SEMA6A: variants seen among roughly 807,000 people sequenced by gnomAD.
SEMA6A encodes semaphorin-6A.
In SEMA6A, 25 loss-of-function variants were observed where a neutral mutation model predicts 96.8. The ratio of observed to expected loss-of-function variants is 0.26; its 90% confidence interval spans 0.19 to 0.36. SEMA6A has a LOEUF of 0.36. Ranked by LOEUF, SEMA6A falls within the 10% of genes least tolerant of loss-of-function variation. The pLI is 1.00. For missense variants in SEMA6A, 1,363 were observed against 1,323.1 expected (o/e 1.03, Z -0.47); for synonymous variants, 612 against 518.0 (o/e 1.18, Z -2.46).
intron 1 of SEMA6A, among the ~76,000 whole-genome samples, chr5:116,507,447 G>C (rs1241135529): frequency 2.0e-5 from 3 of 152,160 alleles, no homozygotes; most frequent in Non-Finnish European, 4.4e-5. Context: ...ACACAGGCTT[G>C]AGTCTCAGGA....
At chr5:116,538,324 T>C (rs988408239) in intron 1 of SEMA6A, among the ~76,000 whole-genome samples, 9 of 152,234 alleles carry the variant, frequency 5.9e-5, no homozygotes, top group African/African-American at 2.2e-4. Flanking sequence ...GTTGATCCTT[T>C]AAAAGCATTT....
intron 1 of SEMA6A, among the ~76,000 whole-genome samples, chr5:116,546,492 G>C (rs377613849): frequency 6.6e-6 from 1 of 152,156 alleles, no homozygotes; most frequent in African/African-American, 2.4e-5. Flanking sequence ...AAATATGAAT[G>C]TGTATGCCAA....
chr5:116,515,079 C>G (rs1002392502), intron 1 of SEMA6A, among the ~76,000 whole-genome samples: 1 of 152,138 alleles, frequency 6.6e-6, no homozygotes, highest in Non-Finnish European at 1.5e-5. Context: ...CATGACTGTT[C>G]ACTGTGGAGG....
chr5:116,461,200 A>G (rs1755373041), intron 18 of SEMA6A, among the ~76,000 whole-genome samples: 1 of 152,108 alleles, frequency 6.6e-6, no homozygotes, highest in Non-Finnish European at 1.5e-5. Flanking sequence ...TCTAATTCAA[A>G]AGAGTTTTTG....
At chr5:116,566,183 A>G (rs1487075024) in intron 1 of SEMA6A, among the ~76,000 whole-genome samples, 1 of 152,198 alleles carries the variant, frequency 6.6e-6, no homozygotes, top group African/African-American at 2.4e-5. Context: ...TTCTAATCAA[A>G]TCATGGCCAA....
chr5:116,447,501 G>T lies in SEMA6A; in HGVS notation c.2205C>A (p.Pro735=), dbSNP rs757966330. The part of the protein sequence containing the change: ...PLMHNGKLAT[P]GNTAKMLIKA... ...TAATGAGCATCTTGGCCGTGTTGCCGGGAGTGGCGAGCTTGCCGTTGTGCA... is the reference window on the plus strand; with the variant it reads ...TAATGAGCATCTTGGCCGTGTTGCCTGGAGTGGCGAGCTTGCCGTTGTGCA... Residue 735 remains proline (P), a synonymous_variant, in exon 19 of 19, where the codon CCC becomes CCA. Coordinates refer to ENST00000343348, the MANE Select transcript of SEMA6A (RefSeq NM_020796.5). 6 of 1,614,094 alleles carry T rather than the reference G, an allele frequency of 3.7e-6. No individual in the cohort carries two copies. The highest frequency in any genetic ancestry group is 4.2e-6 in the Non-Finnish European group (5 of 1,179,908).
At chr5:116,536,727 G>T (rs1026676046) in intron 1 of SEMA6A, among the ~76,000 whole-genome samples, 1 of 152,120 alleles carries the variant, frequency 6.6e-6, no homozygotes, top group African/African-American at 2.4e-5. Flanking sequence ...TGCAACTCTT[G>T]AATAGCTCCA....
intron 1 of SEMA6A, among the ~76,000 whole-genome samples, chr5:116,526,769 C>T (rs536345905): frequency 4.8e-4 from 73 of 152,202 alleles, no homozygotes; most frequent in African/African-American, 1.7e-3. Flanking sequence ...TCTATATACA[C>T]GCCCAGGTAA....
intron 1 of SEMA6A, among the ~76,000 whole-genome samples, chr5:116,554,026 T>C (rs1485236689): frequency 2.6e-5 from 4 of 152,056 alleles, no homozygotes; most frequent in East Asian, 1.9e-4. Flanking sequence ...GAGACTTCAA[T>C]AGGTAATGAT....
rs936755341 is a variant in SEMA6A at position 116,446,436 on chromosome 5, C to T, written c.*177G>A. ...CCGCCGTTGCAAACCTTCACCAAAC[C>T]ACGCGGCCCAGTTTTCGTGAGTACC... On this transcript the variant is annotated 3_prime_UTR_variant, in exon 19 of 19. Transcript: ENST00000343348. The T allele has an allele frequency of 1.7e-5, 9 of 516,054 alleles. No individual in the cohort carries two copies. Among genetic ancestry groups the T allele is most frequent in the African/African-American group, 1.7e-4 (9 of 52,190 alleles). 32.0% of individuals were successfully genotyped at this position (516,054 alleles called of 1,614,324 possible). A position where few individuals can be genotyped will look rare whatever the true frequency, so the allele number is the denominator to read the frequency against.
Position 116,496,316 on chromosome 5 carries a change from G to A in SEMA6A, c.280-3C>T. 1 of 1,613,232 alleles carries A rather than the reference G, an allele frequency of 6.2e-7. No individual in the cohort carries two copies. The highest frequency in any genetic ancestry group is 8.5e-7 in the Non-Finnish European group (1 of 1,179,380). Reference sequence around the variant, plus strand: ...TGTCTAGATTTCCATGTCAGTTTCTGCAGGGATCAAGAAAGAAATCAATTA... The same window carrying A: ...TGTCTAGATTTCCATGTCAGTTTCTACAGGGATCAAGAAAGAAATCAATTA... On this transcript the variant is annotated splice_polypyrimidine_tract_variant and splice_region_variant and intron_variant, in intron 4 of 18. Transcript: ENST00000343348.
chr5:116,558,007 T>A (rs1046171839), intron 1 of SEMA6A, among the ~76,000 whole-genome samples: 3 of 152,224 alleles, frequency 2.0e-5, no homozygotes, highest in African/African-American at 7.2e-5. Flanking sequence ...CAACATTTTT[T>A]AAAAATCAAA....
intron 1 of SEMA6A, among the ~76,000 whole-genome samples, chr5:116,543,063 A>G (rs761129119): frequency 6.6e-6 from 1 of 152,224 alleles, no homozygotes; most frequent in Non-Finnish European, 1.5e-5. Flanking sequence ...TTCTAAGCTC[A>G]TAAAATAGTA....
intron 1 of SEMA6A, among the ~76,000 whole-genome samples, chr5:116,536,638 G>A (rs1759724090): frequency 6.6e-6 from 1 of 152,096 alleles, no homozygotes; most frequent in Non-Finnish European, 1.5e-5. Flanking sequence ...GCCACAAACT[G>A]CAATATGCTT....
rs114748133 is a variant in SEMA6A at position 116,552,192 on chromosome 5, G to A, written c.-39+21993C>T. Among the ~76,000 whole-genome samples, 641 of 152,232 alleles carry A rather than the reference G, an allele frequency of 4.2e-3. 4 individuals are homozygous for A. The highest frequency in any genetic ancestry group is 0.014 in the African/African-American group (599 of 41,544). ...GAGTGTCTAAAATAACACTATTTAC[G>A]GCCTAACGCTTCCTCTGATGTACAC... On this transcript the variant is annotated intron_variant, in intron 1 of 18. Transcript: ENST00000343348.
At chr5:116,519,015 C>T (rs1456799679) in intron 1 of SEMA6A, among the ~76,000 whole-genome samples, 1 of 151,762 alleles carries the variant, frequency 6.6e-6, no homozygotes, top group African/African-American at 2.4e-5. Context: ...AAAAAAAAGT[C>T]ATTCTAAAAT....
intron 1 of SEMA6A, among the ~76,000 whole-genome samples, chr5:116,573,295 C>A (rs144294181): frequency 0.016 from 2,488 of 152,258 alleles, 39 homozygotes; most frequent in Non-Finnish European, 0.024. Context: ...GTCTCTCACC[C>A]TTCCCCCTCC....
At chr5:116,552,577 G>A (rs983258608) in intron 1 of SEMA6A, among the ~76,000 whole-genome samples, 1 of 152,146 alleles carries the variant, frequency 6.6e-6, no homozygotes, top group Non-Finnish European at 1.5e-5. Flanking sequence ...CAAGGCCATG[G>A]AGCAATTTAG....
At chr5:116,542,911 C>T (rs566045939) in intron 1 of SEMA6A, among the ~76,000 whole-genome samples, 5 of 152,222 alleles carry the variant, frequency 3.3e-5, no homozygotes, top group East Asian at 1.9e-4. Context: ...GCACTTGAAC[C>T]CTTTCTCTGA....
Sources: allele counts gnomAD v4.1 joint callset (sites outside exome capture counted in the v4.1 genomes callset), GRCh38; gene constraint gnomAD v4.1.1; transcripts MANE v1.5; gene names NCBI Gene and HGNC (gene_info 2026-07-23, HGNC 2026-07-21).